Variants in RSPH3 observed in about 807,000 individuals in gnomAD.
The protein encoded by RSPH3 is radial spoke head 3.
In RSPH3, 21 loss-of-function variants were observed where a neutral mutation model predicts 43.8. The observed-to-expected ratio is 0.48, with a 90% CI of 0.34 to 0.69. The LOEUF (loss-of-function observed/expected upper bound fraction) is 0.69, where lower values mean the gene tolerates loss of function less well. Ranked by LOEUF, RSPH3 falls within the 30% of genes least tolerant of loss-of-function variation. RSPH3 has a pLI of 0.01. For missense variants in RSPH3, 487 were observed against 516.0 expected, an observed-to-expected ratio of 0.94 and a Z score of 0.54; for synonymous variants, 173 against 179.8, an observed-to-expected ratio of 0.96 and a Z score of 0.30.
At chr6:158,965,956 T>C in the RSPH3 span, among the ~76,000 whole-genome samples, 2 of 152,208 alleles carry the variant, frequency 1.3e-5, no homozygotes, top group South Asian at 2.1e-4. Context: ...CTGTTTTTAA[T>C]ATGAAAGTGT....
At chr6:158,993,242 C>T (rs1422045663) in intron 2 of RSPH3, among the ~76,000 whole-genome samples, 2 of 151,888 alleles carry the variant, frequency 1.3e-5, no homozygotes, top group African/African-American at 2.4e-5. Flanking sequence ...CTCAGCCTCC[C>T]GGGTAGCTGG....
At chr6:158,984,422 A>AT (rs1192892289) in intron 3 of RSPH3, among the ~76,000 whole-genome samples, 1 of 126,754 alleles carries the variant, frequency 7.9e-6, no homozygotes, top group Non-Finnish European at 1.6e-5. Context: ...ACAACAGTGG[A>AT]TAAAAAGTCA....
rs879825037 is a variant in RSPH3, at chr6:159,000,178, T to G, written c.-628A>C. ...CGCCCCTGGCAGCCAGGCTCCCAGCTCTGTTACGTGCCCGGGCGGGGAAGA... is the reference window on the plus strand; with the variant it reads ...CGCCCCTGGCAGCCAGGCTCCCAGCGCTGTTACGTGCCCGGGCGGGGAAGA... On this transcript the variant is annotated 5_prime_UTR_variant, in exon 1 of 8. Coordinates refer to ENST00000367069, the MANE Select transcript of RSPH3 (RefSeq NM_031924.8). The G allele has an allele frequency of 3.4e-5, 19 of 564,230 alleles. No homozygotes were observed. Among genetic ancestry groups the G allele is most frequent in the Non-Finnish European group, 5.5e-5 (18 of 330,242 alleles). 35.0% of individuals were successfully genotyped at this position (564,230 alleles called of 1,614,324 possible).
chr6:159,000,006 T>A lies in RSPH3; in HGVS notation c.-456A>T, dbSNP rs1261469567. 6.5e-7 allele frequency: 1 copy of A among 1,546,572 alleles called. No individual in the cohort carries two copies. The highest frequency in any genetic ancestry group is 8.7e-7 in the Non-Finnish European group (1 of 1,146,432). ...GAGGCCTGCGGGGCAACGGTGGCTGTCCTTGGCCCGGCTTTGGAATGTGGC... is the reference window on the plus strand; with the variant it reads ...GAGGCCTGCGGGGCAACGGTGGCTGACCTTGGCCCGGCTTTGGAATGTGGC... On this transcript the variant is annotated 5_prime_UTR_variant, in exon 1 of 8. Transcript: ENST00000367069.
chr6:158,970,693 C>T (rs1387899262), downstream of RSPH3, among the ~76,000 whole-genome samples: 1 of 151,900 alleles, frequency 6.6e-6, no homozygotes, highest in Non-Finnish European at 1.5e-5. Context: ...TTACAGGCAC[C>T]CGCCACTATG....
At chr6:158,981,380 T>C (rs1162375622) in intron 5 of RSPH3, among the ~76,000 whole-genome samples, 1 of 152,224 alleles carries the variant, frequency 6.6e-6, no homozygotes, top group African/African-American at 2.4e-5. Context: ...TTTTTTGTTG[T>C]TGCTTCCTTT....
At chr6:158,993,328 GA>G (rs1382368082) in intron 2 of RSPH3, among the ~76,000 whole-genome samples, 1 of 151,796 alleles carries the variant, frequency 6.6e-6, no homozygotes, top group African/African-American at 2.4e-5. Flanking sequence ...ATGTTGGCCA[GA>G]ATGGTCTTGA....
At chr6:158,986,636 A>C (rs1463135845) in intron 2 of RSPH3, among the ~76,000 whole-genome samples, 2 of 152,226 alleles carry the variant, frequency 1.3e-5, no homozygotes, top group Non-Finnish European at 2.9e-5. Flanking sequence ...ATGGCTGTTA[A>C]CTGGAATATA....
intron 5 of RSPH3, among the ~76,000 whole-genome samples, chr6:158,981,678 T>C (rs1304325821): frequency 2.0e-5 from 3 of 152,204 alleles, no homozygotes; most frequent in Admixed American, 2.0e-4. Flanking sequence ...TTTACACAAC[T>C]AAGTATTCAT....
chr6:158,986,426 C>T lies in RSPH3; in HGVS notation c.205-5G>A. 1 of 1,601,640 alleles carries T rather than the reference C, an allele frequency of 6.2e-7. No individual in the cohort carries two copies. Among genetic ancestry groups the T allele is most frequent in the Non-Finnish European group, 8.5e-7 (1 of 1,176,160 alleles). Reference sequence around the variant, plus strand: ...TAGAGAATCAGGCCGTCCGAGCTAACAGTGATAGAAAATACTTCTAGAATT... The same window carrying T: ...TAGAGAATCAGGCCGTCCGAGCTAATAGTGATAGAAAATACTTCTAGAATT... On this transcript the variant is annotated splice_region_variant and splice_polypyrimidine_tract_variant and intron_variant, in intron 2 of 7. Coordinates refer to ENST00000367069, the MANE Select transcript of RSPH3 (RefSeq NM_031924.8).
chr6:158,987,143 T>C (rs1323300958), intron 2 of RSPH3, among the ~76,000 whole-genome samples: 2 of 152,336 alleles, frequency 1.3e-5, no homozygotes, highest in Middle Eastern at 3.4e-3. Flanking sequence ...TTGCTTTATA[T>C]AGTTGGGAGC....
In RSPH3 at chr6:158,978,282, C is replaced by A. The variant is rs1389169518; in HGVS notation, c.924G>T (p.Met308Ile). 1.3e-6 allele frequency: 2 copies of A among 1,579,444 alleles called. No individual in the cohort carries two copies. Among genetic ancestry groups the A allele is most frequent in the Non-Finnish European group, 1.7e-6 (2 of 1,150,282 alleles). ...TACTGTCAAGCACTGTTCTTCCCAC[C>A]ATGCTATATTCCATGGTTTTTTCAA... ...NEVEKTMEYS[M>I]VGRTVLDMLI... The change falls in exon 7 of 8, where the codon ATG becomes ATT. Residue 308 changes from methionine to isoleucine, a missense_variant. Coordinates refer to ENST00000367069, the MANE Select transcript of RSPH3 (RefSeq NM_031924.8).
Position 158,984,434 on chromosome 6 carries a change from TTATATATATATATATATATATATA to T in RSPH3, c.347-651_347-628del, listed in dbSNP as rs55999313. ...AGTACAACAGTGGATAAAAAGTCAA[TTATATATATATATATATATATATA>T]TATATATATATATATATTTGAGTCC... On this transcript the variant is annotated intron_variant, in intron 3 of 7. Coordinates refer to ENST00000367069, the MANE Select transcript of RSPH3 (RefSeq NM_031924.8). Among the ~76,000 whole-genome samples the T allele has an allele frequency of 1.1e-4, 7 of 63,650 alleles. No homozygotes were observed. The East Asian group carries it at 2.3e-3, about 21-fold the overall frequency. The allele number at this position is 63,650 out of a possible 152,430, so 41.8% of individuals were successfully genotyped here.
chr6:158,999,416 G>C lies in RSPH3; in HGVS notation c.116+19C>G. 6.7e-7 allele frequency: 1 copy of C among 1,497,508 alleles called. No individual in the cohort carries two copies. The highest frequency in any genetic ancestry group is 2.3e-5 in the East Asian group (1 of 43,400). 92.8% of individuals were successfully genotyped at this position (1,497,508 alleles called of 1,614,324 possible). A position where few individuals can be genotyped will look rare whatever the true frequency, so the allele number is the denominator to read the frequency against. On this transcript the variant is annotated intron_variant, in intron 1 of 7. Transcript: ENST00000367069. The stretch of plus-strand genomic sequence containing the variant: ...GGGGTGCAAGTATGGACCACACAGG[G>C]GCTGGCTTGGTCACTCACGGCTGCG...
chr6:158,981,869 A>G (rs1383215613), intron 5 of RSPH3, among the ~76,000 whole-genome samples: 3 of 152,202 alleles, frequency 2.0e-5, no homozygotes, highest in Non-Finnish European at 2.9e-5. Flanking sequence ...TGCCAGAACC[A>G]GAAAGACTAT....
At chr6:158,963,720 G>A in the RSPH3 span, among the ~76,000 whole-genome samples, 1 of 151,864 alleles carries the variant, frequency 6.6e-6, no homozygotes. Flanking sequence ...CTCCCAAGCA[G>A]GTGGGACTAC....
chr6:158,979,756 A>C (rs926474989), intron 6 of RSPH3, among the ~76,000 whole-genome samples: 1 of 152,202 alleles, frequency 6.6e-6, no homozygotes, highest in Non-Finnish European at 1.5e-5. Flanking sequence ...ACTGGCCAAC[A>C]AAATAGGACC....
At chr6:158,981,354 T>C (rs1311681842) in intron 5 of RSPH3, among the ~76,000 whole-genome samples, 1 of 152,202 alleles carries the variant, frequency 6.6e-6, no homozygotes, top group African/African-American at 2.4e-5. Flanking sequence ...GTTCTGAAGA[T>C]TATGAAAGCC....
intron 2 of RSPH3, among the ~76,000 whole-genome samples, chr6:158,987,449 T>A (rs1255081065): frequency 6.6e-6 from 1 of 152,138 alleles, no homozygotes; most frequent in Non-Finnish European, 1.5e-5. Flanking sequence ...GAGAACCGAG[T>A]CCTCTTACAT....
Sources: allele counts gnomAD v4.1 joint callset (sites outside exome capture counted in the v4.1 genomes callset), GRCh38; gene constraint gnomAD v4.1.1; transcripts MANE v1.5; gene names NCBI Gene and HGNC (gene_info 2026-07-23, HGNC 2026-07-21).